The following MNAT1 variants were observed in gnomAD, a reference collection of about 807,000 sequenced individuals.
MNAT1 encodes CDK-activating kinase assembly factor MAT1.
Under a neutral mutation model 42.0 loss-of-function variants are expected in MNAT1, and 43 were observed. The ratio of observed to expected loss-of-function variants is 1.02; its 90% CI spans 0.80 to 1.32. MNAT1 has a LOEUF of 1.32. MNAT1 is among the 40% of genes most tolerant of loss of function. MNAT1 has a pLI of 0.00. For synonymous variants in MNAT1, 118 were observed against 120.0 expected, an observed-to-expected ratio of 0.98 and a Z score of 0.11; for missense variants, 306 against 350.4, an observed-to-expected ratio of 0.87 and a Z score of 1.01.
chr14:60,739,392 T>A (rs1173488700), intron 1 of MNAT1, among the ~76,000 whole-genome samples: 1 of 152,114 alleles, frequency 6.6e-6, no homozygotes, highest in Admixed American at 6.5e-5. Context: ...TAACTTATTT[T>A]TTTTTTTTTC....
At chr14:60,757,162 T>TTCTTA (rs1328010331) in intron 1 of MNAT1, among the ~76,000 whole-genome samples, 9 of 152,204 alleles carry the variant, frequency 5.9e-5, no homozygotes, top group Admixed American at 1.3e-4. Flanking sequence ...AAAAATTTCC[T>TTCTTA]GTTTAAAACT....
chr14:60,767,431 T>C (rs2030872351), intron 1 of MNAT1, among the ~76,000 whole-genome samples: 1 of 152,150 alleles, frequency 6.6e-6, no homozygotes, highest in African/African-American at 2.4e-5. Context: ...GTGGGGAGAA[T>C]TGAGGCCAGT....
At chr14:60,802,656 A>C (rs531172847) in intron 3 of MNAT1, among the ~76,000 whole-genome samples, 2 of 152,206 alleles carry the variant, frequency 1.3e-5, no homozygotes, top group Admixed American at 1.3e-4. Context: ...TAGACATAGA[A>C]TATTCAAGTG....
intron 1 of MNAT1, among the ~76,000 whole-genome samples, chr14:60,738,857 A>T (rs771835888): frequency 5.3e-5 from 8 of 152,068 alleles, no homozygotes; most frequent in South Asian, 2.1e-4. Flanking sequence ...TTAATGAAAA[A>T]TTTTTTGATA....
intron 1 of MNAT1, among the ~76,000 whole-genome samples, chr14:60,792,277 G>C (rs916000442): frequency 6.6e-6 from 1 of 152,016 alleles, no homozygotes; most frequent in African/African-American, 2.4e-5. Context: ...AGAGATTTTT[G>C]GCAAATGATT....
chr14:60,881,044 T>C (rs1453868652), intron 7 of MNAT1, among the ~76,000 whole-genome samples: 1 of 152,240 alleles, frequency 6.6e-6, no homozygotes, highest in Non-Finnish European at 1.5e-5. Flanking sequence ...ATCTTTACTT[T>C]TAATGTCCGT....
At chr14:60,926,152 T>C (rs2035759252) in intron 7 of MNAT1, among the ~76,000 whole-genome samples, 1 of 152,174 alleles carries the variant, frequency 6.6e-6, no homozygotes, top group Non-Finnish European at 1.5e-5. Context: ...ACCCTTATTC[T>C]ACCCACAAAG....
Position 60,879,815 on chromosome 14 carries a change from T to A in MNAT1, c.789T>A (p.Leu263=). ...IETYGPHVPE[L]EMLGRLGYLN... is the part of the protein sequence containing the mutation. ...CATATGGACCACATGTTCCTGAGCT[T>A]GAGATGCTAGGAAGACTTGGGTATG... The change falls in exon 7 of 8, where the codon CTT becomes CTA. Residue 263 remains leucine, a synonymous_variant. Transcript: ENST00000261245. 6.2e-7 allele frequency: 1 copy of A among 1,611,550 alleles called. No homozygotes were observed. Among genetic ancestry groups the A allele is most frequent in the Non-Finnish European group, 8.5e-7 (1 of 1,178,180 alleles).
chr14:60,801,197 C>T (rs144934367), intron 3 of MNAT1, among the ~76,000 whole-genome samples: 172 of 150,496 alleles, frequency 1.1e-3, no homozygotes, highest in African/African-American at 4.1e-3. Context: ...AAAAAGGCAC[C>T]GAGATAGAAA....
intron 7 of MNAT1, among the ~76,000 whole-genome samples, chr14:60,909,746 G>T (rs1205167694): frequency 6.6e-6 from 1 of 152,190 alleles, no homozygotes; most frequent in Non-Finnish European, 1.5e-5. Flanking sequence ...ATAGTTTGAA[G>T]TCAGGCAGCG....
chr14:60,916,073 G>C (rs1458838553), intron 7 of MNAT1, among the ~76,000 whole-genome samples: 1 of 152,238 alleles, frequency 6.6e-6, no homozygotes, highest in South Asian at 2.1e-4. Flanking sequence ...CCTTAGGAAG[G>C]CTTAGTTGTT....
chr14:60,939,720 T>G (rs1180613794), intron 7 of MNAT1, among the ~76,000 whole-genome samples: 1 of 152,200 alleles, frequency 6.6e-6, no homozygotes, highest in Non-Finnish European at 1.5e-5. Flanking sequence ...TGATTTGGGT[T>G]GGAGAGTTCT....
At chr14:60,826,245 A>G (rs1395111034) in intron 6 of MNAT1, among the ~76,000 whole-genome samples, 2 of 151,696 alleles carry the variant, frequency 1.3e-5, no homozygotes, top group Non-Finnish European at 2.9e-5. Flanking sequence ...AATTAATGTA[A>G]TTTGTGACTT....
At chr14:60,940,423 T>A (rs2036120367) in intron 7 of MNAT1, among the ~76,000 whole-genome samples, 1 of 152,122 alleles carries the variant, frequency 6.6e-6, no homozygotes, top group South Asian at 2.1e-4. Context: ...TTATTTTTTG[T>A]TGTTGTTGTT....
intron 7 of MNAT1, among the ~76,000 whole-genome samples, chr14:60,947,216 A>G (rs2036294314): frequency 1.3e-5 from 2 of 152,070 alleles, no homozygotes; most frequent in Admixed American, 1.3e-4. Flanking sequence ...TAAAAACAAT[A>G]TCTTCCTAGG....
At chr14:60,897,947 A>G (rs1594846684) in intron 7 of MNAT1, among the ~76,000 whole-genome samples, 2 of 152,034 alleles carry the variant, frequency 1.3e-5, no homozygotes, top group East Asian at 1.9e-4. Context: ...GTCTATCTCC[A>G]TGAGATCAAG....
chr14:60,829,380 A>G (rs1199002138), intron 6 of MNAT1, among the ~76,000 whole-genome samples: 1 of 152,150 alleles, frequency 6.6e-6, no homozygotes, highest in East Asian at 1.9e-4. Flanking sequence ...TAACAATTCA[A>G]TTGTTCTATG....
At chr14:60,910,355 C>T (rs1214935568) in intron 7 of MNAT1, among the ~76,000 whole-genome samples, 1 of 152,144 alleles carries the variant, frequency 6.6e-6, no homozygotes, top group East Asian at 1.9e-4. Context: ...GAACTTCCAA[C>T]ACTATGTTGA....
chr14:60,753,063 C>T (rs898890551), intron 1 of MNAT1, among the ~76,000 whole-genome samples: 4 of 152,240 alleles, frequency 2.6e-5, no homozygotes, highest in Admixed American at 6.5e-5. Context: ...CCGCACCTGG[C>T]TTGCACTAGT....
Sources: allele counts gnomAD v4.1 joint callset (sites outside exome capture counted in the v4.1 genomes callset), GRCh38; gene constraint gnomAD v4.1.1; transcripts MANE v1.5; gene names NCBI Gene and HGNC (gene_info 2026-07-23, HGNC 2026-07-21).